DAAM2: variants seen among roughly 807,000 people sequenced by gnomAD.
The protein encoded by DAAM2 is disheveled-associated activator of morphogenesis 2.
In DAAM2, 39 loss-of-function variants were observed where a neutral mutation model predicts 120.7. The ratio of observed to expected loss-of-function variants is 0.32; its 90% confidence interval spans 0.25 to 0.42. The LOEUF (loss-of-function observed/expected upper bound fraction) is 0.42. DAAM2 is among the 10% of genes least tolerant of loss of function. The pLI, the probability that DAAM2 is intolerant of heterozygous loss-of-function variation, is 1.00. For synonymous variants in DAAM2, 488 were observed against 524.9 expected (o/e 0.93, Z 0.96); for missense variants, 1,283 against 1,401.7 (o/e 0.92, Z 1.35).
rs780085555 is a variant in DAAM2, at chr6:39,884,028, G to C, written c.1912G>C (p.Glu638Gln). The C allele has an allele frequency of 5.0e-6, 8 of 1,613,042 alleles. No homozygotes were observed. The Admixed American group carries it at 8.3e-5, about 17-fold the overall frequency. ...DMQVFRILDLEDFEKMFSAYQ... is the reference protein window; with the variant it reads ...DMQVFRILDLQDFEKMFSAYQ... The stretch of plus-strand genomic sequence containing the variant: ...GCAGGTATTTCGGATCCTGGACCTA[G>C]AGGATTTTGAAAAGATGTTTTCAGC... Residue 638 changes from glutamate to glutamine, a missense_variant, in exon 15 of 25, where the codon GAG (glutamate) becomes CAG (glutamine). By Grantham distance (29) the Glu-to-Gln change is conservative (BLOSUM62 2). Coordinates refer to ENST00000274867, the MANE Select transcript of DAAM2 (RefSeq NM_001201427.2).
intron 1 of DAAM2, among the ~76,000 whole-genome samples, chr6:39,806,701 A>G (rs2114033512): frequency 1.3e-5 from 2 of 152,318 alleles, no homozygotes; most frequent in South Asian, 4.1e-4. Context: ...AGTGTCTTAA[A>G]GCATGTAAAT....
chr6:39,811,949 A>G (rs963137129), intron 1 of DAAM2, among the ~76,000 whole-genome samples: 3 of 151,932 alleles, frequency 2.0e-5, no homozygotes, highest in African/African-American at 7.3e-5. Context: ...GCCCCTGTAG[A>G]CCCTCTGTGA....
At chr6:39,832,458 A>G (rs147481901) in intron 1 of DAAM2, among the ~76,000 whole-genome samples, 1,775 of 152,302 alleles carry the variant, frequency 0.012, 20 homozygotes, top group Non-Finnish European at 0.016. Flanking sequence ...ATAGCAGCTC[A>G]TATTTATTGA....
chr6:39,898,786 T>C, intron 21 of DAAM2, 91 bp from the exon 22 acceptor site: 1 of 1,110,082 alleles, frequency 9.0e-7, no homozygotes, highest in Non-Finnish European at 1.3e-6. Context: ...CAGGCCACTG[T>C]GCTTGGCTCT....
At chr6:39,806,855 A>G (rs1295917818) in intron 1 of DAAM2, among the ~76,000 whole-genome samples, 1 of 119,676 alleles carries the variant, frequency 8.4e-6, no homozygotes, top group African/African-American at 3.0e-5. Flanking sequence ...AAAAAAAAAA[A>G]GAAAAGAAAA....
chr6:39,867,477 A>T, intron 5 of DAAM2, 33 bp from the exon 6 acceptor site: 1 of 1,602,382 alleles, frequency 6.2e-7, no homozygotes, highest in Non-Finnish European at 8.5e-7. Context: ...AATCATATGC[A>T]AATATATGTT....
At chr6:39,882,718 C>G (rs13206628) in intron 14 of DAAM2, among the ~76,000 whole-genome samples, 2 of 149,942 alleles carry the variant, frequency 1.3e-5, no homozygotes, top group East Asian at 3.9e-4. Context: ...CACACACACA[C>G]GCACACACAC....
At chr6:39,897,783 T>C (rs2149374564) in intron 21 of DAAM2, among the ~76,000 whole-genome samples, 1 of 152,286 alleles carries the variant, frequency 6.6e-6, no homozygotes, top group South Asian at 2.1e-4. Flanking sequence ...AGTCTGAGGA[T>C]AGGTAAAATC....
intron 8 of DAAM2, among the ~76,000 whole-genome samples, chr6:39,871,207 G>T (rs1157630641): frequency 2.0e-5 from 3 of 152,134 alleles, no homozygotes; most frequent in Non-Finnish European, 4.4e-5. Flanking sequence ...CATCCTCACA[G>T]ATCAGCCTCC....
intron 1 of DAAM2, among the ~76,000 whole-genome samples, chr6:39,802,863 C>T (rs369320325): frequency 8.5e-5 from 13 of 152,186 alleles, no homozygotes; most frequent in African/African-American, 3.1e-4. Context: ...AAGAAGCCCC[C>T]TCGTGCCCCT....
intron 1 of DAAM2, among the ~76,000 whole-genome samples, chr6:39,839,460 A>G (rs1763240120): frequency 6.6e-6 from 1 of 152,230 alleles, no homozygotes; most frequent in Non-Finnish European, 1.5e-5. Flanking sequence ...AATTAAATTG[A>G]GAGAAGAGAG....
chr6:39,819,825 C>T (rs1440456799), intron 1 of DAAM2: 1 of 152,226 alleles, frequency 6.6e-6, no homozygotes, highest in African/African-American at 2.4e-5. Context: ...AGACAGCTCT[C>T]TGGGGTCTCT....
At chr6:39,799,609 T>C (rs1192047908) in intron 1 of DAAM2, among the ~76,000 whole-genome samples, 1 of 152,068 alleles carries the variant, frequency 6.6e-6, no homozygotes, top group African/African-American at 2.4e-5. Flanking sequence ...AATGAACGAT[T>C]GGGAGCTGCC....
At chr6:39,811,212 T>TGTGA (rs1172876743) in intron 1 of DAAM2, among the ~76,000 whole-genome samples, 1 of 145,852 alleles carries the variant, frequency 6.9e-6, no homozygotes, top group African/African-American at 2.5e-5. Flanking sequence ...TGTGTGTGTG[T>TGTGA]GATTTTCCAT....
chr6:39,894,323 AC>A (rs1157672171), intron 19 of DAAM2, among the ~76,000 whole-genome samples: 2 of 152,214 alleles, frequency 1.3e-5, no homozygotes, highest in Non-Finnish European at 2.9e-5. Flanking sequence ...CTTAGAAAAA[AC>A]ATCCCAACCA....
chr6:39,833,652 T>C (rs1215235593), intron 1 of DAAM2, among the ~76,000 whole-genome samples: 1 of 152,162 alleles, frequency 6.6e-6, no homozygotes, highest in Non-Finnish European at 1.5e-5. Context: ...GGAGACATCA[T>C]TACCTTGTAT....
chr6:39,892,716 G>C (rs1765808528), intron 19 of DAAM2, among the ~76,000 whole-genome samples: 1 of 152,154 alleles, frequency 6.6e-6, no homozygotes, highest in African/African-American at 2.4e-5. Context: ...CCCCCTGCTG[G>C]ACACCAGGGC....
intron 1 of DAAM2, chr6:39,820,126 A>G (rs1376632874): frequency 7.1e-6 from 1 of 140,204 alleles, no homozygotes. Context: ...GGGAATGGGC[A>G]TCCTAGCCTG....
At chr6:39,801,506 G>A (rs2114006356) in intron 1 of DAAM2, among the ~76,000 whole-genome samples, 1 of 152,304 alleles carries the variant, frequency 6.6e-6, no homozygotes, top group East Asian at 1.9e-4. Flanking sequence ...AGTATGAAGG[G>A]GGTGGTCCCA....
Sources: allele counts gnomAD v4.1 joint callset (sites outside exome capture counted in the v4.1 genomes callset), GRCh38; gene constraint gnomAD v4.1.1; transcripts MANE v1.5; gene names NCBI Gene and HGNC (gene_info 2026-07-23, HGNC 2026-07-21).